Variants in ANKRD30BL observed in about 807,000 individuals in gnomAD.
ANKRD30BL encodes ankyrin repeat domain 30B like.
ANKRD30BL carries 20 observed loss-of-function variants against 18.4 expected under a neutral mutation model. The ratio of observed to expected loss-of-function variants is 1.09; its 90% CI spans 0.77 to 1.58. The LOEUF (loss-of-function observed/expected upper bound fraction) is 1.58, where lower values mean the gene tolerates loss of function less well. Among genes scored for constraint, ANKRD30BL ranks in the 40% most tolerant of loss-of-function variants. ANKRD30BL has a pLI of 0.00. For missense variants in ANKRD30BL, 224 were observed against 268.6 expected (o/e 0.83, Z 1.16); for synonymous variants, 72 against 100.9 (o/e 0.71, Z 1.72).
chr2:132,221,294 C>A (rs1421527844), intron 1 of ANKRD30BL, among the ~76,000 whole-genome samples: 1 of 127,218 alleles, frequency 7.9e-6, no homozygotes, highest in African/African-American at 3.5e-5. Context: ...CTCTGCCCGG[C>A]CAGTCGCCCC....
At chr2:132,221,566 G>A (rs1206526120) in intron 1 of ANKRD30BL, among the ~76,000 whole-genome samples, 53 of 133,366 alleles carry the variant, frequency 4.0e-4, no homozygotes, top group Middle Eastern at 4.5e-3. Flanking sequence ...CCCCCCGCCC[G>A]GCCAGCCGCC....
intron 1 of ANKRD30BL, among the ~76,000 whole-genome samples, chr2:132,211,336 T>C (rs1679343426): frequency 6.6e-6 from 1 of 151,928 alleles, no homozygotes; most frequent in African/African-American, 2.4e-5. Flanking sequence ...ACTCTTTATG[T>C]ATAATCTGCC....
intron 1 of ANKRD30BL, among the ~76,000 whole-genome samples, chr2:132,241,276 ACT>A (rs1680311963): frequency 6.6e-6 from 1 of 151,206 alleles, no homozygotes; most frequent in Non-Finnish European, 1.5e-5. Flanking sequence ...GTTTTGAGAC[ACT>A]CTTTTTGTAC....
At chr2:132,214,084 G>A (rs62164451) in intron 1 of ANKRD30BL, among the ~76,000 whole-genome samples, 1 of 152,116 alleles carries the variant, frequency 6.6e-6, no homozygotes, top group Non-Finnish European at 1.5e-5. Flanking sequence ...GAGCAGCTTT[G>A]AAACACTCTT....
chr2:132,170,341 C>T (rs1457898031), intron 1 of ANKRD30BL, among the ~76,000 whole-genome samples: 2 of 152,122 alleles, frequency 1.3e-5, no homozygotes, highest in Non-Finnish European at 2.9e-5. Context: ...GAAACAGAGA[C>T]TGTCAGTAAA....
intron 1 of ANKRD30BL, among the ~76,000 whole-genome samples, chr2:132,187,960 G>T (rs369380676): frequency 2.0e-5 from 3 of 152,152 alleles, no homozygotes; most frequent in African/African-American, 7.2e-5. Flanking sequence ...ATGTTGGCCT[G>T]GCTGGTCTCG....
upstream of ANKRD30BL, among the ~76,000 whole-genome samples, chr2:132,163,922 T>C (rs1558916229): frequency 3.9e-5 from 6 of 152,352 alleles, no homozygotes; most frequent in Middle Eastern, 6.8e-3. Flanking sequence ...TAAATGTGTG[T>C]ATACAAAGCT....
intron 1 of ANKRD30BL, among the ~76,000 whole-genome samples, chr2:132,220,350 G>GTCCCTCTCCCTC (rs1345388299): frequency 0.02 from 1,576 of 80,184 alleles, 172 homozygotes; most frequent in African/African-American, 0.091. Context: ...CCCTCTCCCT[G>GTCCCTCTCCCTC]TCCCTCTCCC....
At chr2:132,240,188 C>A (rs988230907) in intron 1 of ANKRD30BL, among the ~76,000 whole-genome samples, 12 of 151,852 alleles carry the variant, frequency 7.9e-5, no homozygotes, top group African/African-American at 2.7e-4. Flanking sequence ...TCAGAAACTA[C>A]TTTTTGATGT....
intron 1 of ANKRD30BL, among the ~76,000 whole-genome samples, chr2:132,198,320 CT>C (rs1235302815): frequency 9.4e-5 from 1 of 10,586 alleles, no homozygotes; most frequent in Admixed American, 8.1e-4. Context: ...TTCTTTCTTT[CT>C]TTCTTTTTTT....
chr2:132,174,354 G>A (rs961427224), intron 1 of ANKRD30BL, among the ~76,000 whole-genome samples: 2 of 152,088 alleles, frequency 1.3e-5, no homozygotes, highest in Non-Finnish European at 2.9e-5. Context: ...TGTCAGAGAG[G>A]CAACTGCAAG....
chr2:132,163,255 A>G (rs2104935141), upstream of ANKRD30BL, among the ~76,000 whole-genome samples: 1 of 152,330 alleles, frequency 6.6e-6, no homozygotes, highest in African/African-American at 2.4e-5. Context: ...GTTTGAGACC[A>G]GCTTAGACAA....
chr2:132,166,288 G>A (rs555223703), upstream of ANKRD30BL, among the ~76,000 whole-genome samples: 1 of 152,170 alleles, frequency 6.6e-6, no homozygotes, highest in East Asian at 1.9e-4. Flanking sequence ...TTTGGTAAGA[G>A]GGTAATATTT....
chr2:132,237,423 G>C (rs1436077576), intron 1 of ANKRD30BL, among the ~76,000 whole-genome samples: 1 of 152,034 alleles, frequency 6.6e-6, no homozygotes, highest in African/African-American at 2.4e-5. Context: ...CAGCATTGAG[G>C]ATTTCGTTGG....
chr2:132,194,819 C>G (rs1212702645), intron 1 of ANKRD30BL, among the ~76,000 whole-genome samples: 1 of 152,182 alleles, frequency 6.6e-6, no homozygotes, highest in Non-Finnish European at 1.5e-5. Context: ...GTGGTGAGCT[C>G]TGCCTGGCAG....
intron 1 of ANKRD30BL, among the ~76,000 whole-genome samples, chr2:132,171,662 A>C (rs1688283242): frequency 6.6e-6 from 1 of 152,224 alleles, no homozygotes. Flanking sequence ...TAATAACAAA[A>C]AATACAGTGC....
intron 1 of ANKRD30BL, among the ~76,000 whole-genome samples, chr2:132,234,398 G>A (rs1458386851): frequency 6.6e-6 from 1 of 151,962 alleles, no homozygotes; most frequent in South Asian, 2.1e-4. Context: ...GAATCCAGGA[G>A]CTGGTTTTTT....
intron 1 of ANKRD30BL, among the ~76,000 whole-genome samples, chr2:132,203,195 T>C (rs1257902312): frequency 6.6e-6 from 1 of 152,420 alleles, no homozygotes; most frequent in East Asian, 1.9e-4. Flanking sequence ...AAAGACATAG[T>C]GTGCCACCCA....
intron 1 of ANKRD30BL, among the ~76,000 whole-genome samples, chr2:132,178,304 G>A (rs1558921042): frequency 6.6e-6 from 1 of 152,210 alleles, no homozygotes; most frequent in South Asian, 2.1e-4. Context: ...AAGTCTGTGG[G>A]AACCAAAGGA....
Sources: allele counts gnomAD v4.1 joint callset (sites outside exome capture counted in the v4.1 genomes callset), GRCh38; gene constraint gnomAD v4.1.1; transcripts MANE v1.5; gene names NCBI Gene and HGNC (gene_info 2026-07-23, HGNC 2026-07-21).